The following TMEM17 variants were observed in gnomAD, a reference collection of about 807,000 sequenced individuals.
The protein encoded by TMEM17 is transmembrane protein 17.
Under a neutral mutation model 19.1 loss-of-function variants are expected in TMEM17, and 15 were observed. The observed-to-expected ratio is 0.78, with a 90% CI of 0.52 to 1.21. The LOEUF is 1.21. TMEM17 is among the 50% of genes most tolerant of loss of function. The pLI is 0.00. For missense variants in TMEM17, 245 were observed against 242.3 expected, an observed-to-expected ratio of 1.01 and a Z score of -0.07; for synonymous variants, 103 against 86.9, an observed-to-expected ratio of 1.19 and a Z score of -1.03.
chr2:62,487,764 G>A, the TMEM17 span, among the ~76,000 whole-genome samples: 1 of 152,164 alleles, frequency 6.6e-6, no homozygotes, highest in African/African-American at 2.4e-5. Context: ...GTGCGATCTC[G>A]GCTCACTGCA....
At chr2:62,479,889 C>CAA in the TMEM17 span, among the ~76,000 whole-genome samples, 4,275 of 68,572 alleles carry the variant, frequency 0.062, 186 homozygotes, top group East Asian at 0.14. Flanking sequence ...AGACCTGTCT[C>CAA]AAAAAAAAAA....
intron 1 of TMEM17, among the ~76,000 whole-genome samples, chr2:62,503,864 T>C (rs777826406): frequency 5.3e-4 from 81 of 152,248 alleles, no homozygotes; most frequent in Non-Finnish European, 3.7e-4. Context: ...CCATTTGTGA[T>C]ACATGAGTTC....
the TMEM17 span, among the ~76,000 whole-genome samples, chr2:62,460,820 T>G: frequency 6.6e-6 from 1 of 152,330 alleles, no homozygotes. Flanking sequence ...CCTCATTCAA[T>G]GCTATTTTCG....
At chr2:62,458,708 G>A in the TMEM17 span, among the ~76,000 whole-genome samples, 3 of 152,208 alleles carry the variant, frequency 2.0e-5, no homozygotes, top group Non-Finnish European at 4.4e-5. Flanking sequence ...GATAAGTTGG[G>A]CCTTCTGGTG....
chr2:62,470,802 A>C, the TMEM17 span, among the ~76,000 whole-genome samples: 1 of 152,250 alleles, frequency 6.6e-6, no homozygotes, highest in Non-Finnish European at 1.5e-5. Context: ...CTCATGGGAA[A>C]GAGATCAGGT....
At chr2:62,470,132 T>C in the TMEM17 span, among the ~76,000 whole-genome samples, 2 of 152,224 alleles carry the variant, frequency 1.3e-5, no homozygotes, top group Non-Finnish European at 2.9e-5. Context: ...CCCTTTGGCA[T>C]AATTACATCT....
At chr2:62,497,387 T>A (rs78271935), downstream of TMEM17, among the ~76,000 whole-genome samples, 96 of 152,362 alleles carry the variant, frequency 6.3e-4, 1 homozygote, top group East Asian at 0.017. Context: ...CCAGGCTTGC[T>A]AGCACCTTCC....
the TMEM17 span, among the ~76,000 whole-genome samples, chr2:62,453,574 G>C: frequency 6.6e-6 from 1 of 152,152 alleles, no homozygotes; most frequent in African/African-American, 2.4e-5. Context: ...ATGCCAGGCT[G>C]CTATTAGAGC....
chr2:62,496,263 A>G (rs1679775678), downstream of TMEM17, among the ~76,000 whole-genome samples: 1 of 152,232 alleles, frequency 6.6e-6, no homozygotes, highest in Admixed American at 6.5e-5. Context: ...TGCCCTTAAA[A>G]ATGTCCATAC....
At chr2:62,496,174 C>T (rs1365050523), downstream of TMEM17, among the ~76,000 whole-genome samples, 1 of 151,986 alleles carries the variant, frequency 6.6e-6, no homozygotes, top group Non-Finnish European at 1.5e-5. Context: ...CAAATCTGTC[C>T]TTGTCAAAAT....
chr2:62,504,965 G>C (rs1680025485), intron 1 of TMEM17, among the ~76,000 whole-genome samples: 1 of 152,024 alleles, frequency 6.6e-6, no homozygotes, highest in Admixed American at 6.6e-5. Context: ...TTTTTACCTT[G>C]TATTATCAGA....
the TMEM17 span, among the ~76,000 whole-genome samples, chr2:62,486,919 C>T: frequency 6.6e-6 from 1 of 151,690 alleles, no homozygotes; most frequent in Non-Finnish European, 1.5e-5. Flanking sequence ...TGCTGATCTA[C>T]AAGGCAGACA....
chr2:62,466,189 T>C, the TMEM17 span, among the ~76,000 whole-genome samples: 1 of 152,050 alleles, frequency 6.6e-6, no homozygotes, highest in Admixed American at 6.5e-5. Context: ...TCTTCACCAA[T>C]GAGTGAAGGA....
chr2:62,476,327 A>G, the TMEM17 span, among the ~76,000 whole-genome samples: 3 of 152,298 alleles, frequency 2.0e-5, no homozygotes, highest in African/African-American at 7.2e-5. Flanking sequence ...CAAAAACCAG[A>G]CAGGGAGGGC....
At chr2:62,467,198 C>T in the TMEM17 span, among the ~76,000 whole-genome samples, 1 of 151,954 alleles carries the variant, frequency 6.6e-6, no homozygotes, top group Non-Finnish European at 1.5e-5. Context: ...GCATTTCCCC[C>T]CGCCCACGCC....
the TMEM17 span, among the ~76,000 whole-genome samples, chr2:62,489,159 C>T: frequency 1.3e-5 from 2 of 152,158 alleles, no homozygotes; most frequent in African/African-American, 4.8e-5. Flanking sequence ...TGAGTGATGA[C>T]TTTGACTCTT....
Position 62,501,210 on chromosome 2 carries a change from C to A in TMEM17, c.596G>T (p.Ter199LeuextTer6). The change falls in exon 4 of 4, where the codon TGA becomes TTA. Residue 199 changes from the stop codon to leucine, a stop_lost. Transcript: ENST00000335390. ...AGATTTTCACTCAACAACACTGGAT[C>A]AGATCTCTTCTATACATGACCTCAT... ...RRMRSCIEEI* is the reference protein window; with the variant it reads ...RRMRSCIEEIL 1.9e-6 allele frequency: 3 copies of A among 1,612,338 alleles called. No homozygotes were observed. The highest frequency in any genetic ancestry group is 2.5e-6 in the Non-Finnish European group (3 of 1,178,696).
At chr2:62,502,668 A>C (rs1679961302) in intron 2 of TMEM17, 23 bp downstream of exon 2, 1 of 1,556,954 alleles carries the variant, frequency 6.4e-7, no homozygotes, top group African/African-American at 1.4e-5. Flanking sequence ...CAGGGCAGCA[A>C]AAGTATTAAA....
At chr2:62,493,713 T>C in the TMEM17 span, among the ~76,000 whole-genome samples, 1,358 of 152,350 alleles carry the variant, frequency 8.9e-3, 13 homozygotes, top group Middle Eastern at 0.02. Flanking sequence ...GTTCTCCCTC[T>C]CAGCTTTCTA....
Sources: gnomAD v4.1 joint callset for allele counts (sites outside exome capture counted in the v4.1 genomes callset) on GRCh38, gnomAD v4.1.1 for gene constraint, MANE v1.5 for transcripts, NCBI Gene and HGNC (gene_info 2026-07-23, HGNC 2026-07-21) for gene names.